The following AHI1 variants were observed in gnomAD, a reference collection of about 807,000 sequenced individuals.
AHI1 encodes jouberin.
Under a neutral mutation model 149.3 loss-of-function variants are expected in AHI1, and 123 were observed. The ratio of observed to expected loss-of-function variants is 0.82; its 90% CI spans 0.71 to 0.96. The LOEUF (loss-of-function observed/expected upper bound fraction) is 0.96, where lower values mean the gene tolerates loss of function less well. AHI1 is among the 40% of genes least tolerant of loss of function. AHI1 has a pLI of 0.00. For synonymous variants in AHI1, 475 were observed against 459.8 expected, an observed-to-expected ratio of 1.03 and a Z score of -0.42; for missense variants, 1,439 against 1,422.7, an observed-to-expected ratio of 1.01 and a Z score of -0.18.
At chr6:135,397,569 C>T (rs1779397037) in intron 22 of AHI1, among the ~76,000 whole-genome samples, 1 of 152,066 alleles carries the variant, frequency 6.6e-6, no homozygotes, top group South Asian at 2.1e-4. Context: ...AACTGTTTTG[C>T]CTACTCTTTT....
intron 23 of AHI1, among the ~76,000 whole-genome samples, chr6:135,365,726 G>A (rs899252714): frequency 1.8e-4 from 28 of 152,096 alleles, no homozygotes; most frequent in Non-Finnish European, 3.8e-4. Flanking sequence ...AGTCTTTAGC[G>A]TTTTCTAGGT....
intron 22 of AHI1, among the ~76,000 whole-genome samples, chr6:135,402,900 TG>T (rs765515390): frequency 6.6e-5 from 10 of 152,146 alleles, no homozygotes; most frequent in Non-Finnish European, 1.2e-4. Flanking sequence ...CTTATTTTTT[TG>T]GGGAGTCAAA....
At chr6:135,464,085 G>A (rs1016922432) in intron 7 of AHI1, among the ~76,000 whole-genome samples, 1 of 151,678 alleles carries the variant, frequency 6.6e-6, no homozygotes, top group Non-Finnish European at 1.5e-5. Context: ...AGCATACTGA[G>A]TTTAAAGAAA....
At chr6:135,495,587 A>T (rs1419566085) in intron 3 of AHI1, 1 of 152,226 alleles carries the variant, frequency 6.6e-6, no homozygotes, top group African/African-American at 2.4e-5. Flanking sequence ...GGGTGCCTTA[A>T]TCTTTGTAGC....
rs185380921 is a variant in AHI1, at chr6:135,446,497, T to C, written c.1779+511A>G. On this transcript the variant is annotated intron_variant, in intron 13 of 28. Coordinates refer to ENST00000265602, the MANE Select transcript of AHI1 (RefSeq NM_001134831.2). ...CTGTAATCCCCTATGTGATAGTATT[T>C]AGATGTGGGGGTCTTTGGGAGGTAA... Among the ~76,000 whole-genome samples, 4 of 152,272 alleles carry C rather than the reference T, an allele frequency of 2.6e-5. No individual in the cohort carries two copies. In the East Asian group the frequency reaches 7.7e-4, roughly 29 times the overall value.
intron 15 of AHI1, among the ~76,000 whole-genome samples, chr6:135,436,561 A>T (rs1226463539): frequency 6.6e-6 from 1 of 152,114 alleles, no homozygotes; most frequent in Non-Finnish European, 1.5e-5. Flanking sequence ...AGAAGGCAGG[A>T]AGAACTGAAA....
At chr6:135,392,777 A>G (rs1030304185) in intron 23 of AHI1, among the ~76,000 whole-genome samples, 1 of 152,174 alleles carries the variant, frequency 6.6e-6, no homozygotes, top group African/African-American at 2.4e-5. Flanking sequence ...ATTTATTTGG[A>G]GGGATGAGAA....
At chr6:135,325,020 A>T (rs2128387333) in intron 24 of AHI1, among the ~76,000 whole-genome samples, 1 of 134,268 alleles carries the variant, frequency 7.4e-6, no homozygotes, top group South Asian at 2.3e-4. Context: ...AAGGTTTACA[A>T]ATTACAATTT....
intron 20 of AHI1, among the ~76,000 whole-genome samples, chr6:135,423,829 G>T (rs1304336925): frequency 4.6e-5 from 7 of 152,008 alleles, no homozygotes; most frequent in Admixed American, 4.6e-4. Context: ...ATTAACTCTG[G>T]TTCAGAGGAG....
At chr6:135,351,135 C>CAAAA (rs1183574427) in intron 24 of AHI1, among the ~76,000 whole-genome samples, 13 of 131,438 alleles carry the variant, frequency 9.9e-5, no homozygotes, top group African/African-American at 4.0e-4. Flanking sequence ...AAACAAAAAA[C>CAAAA]AAAAAAAACA....
intron 24 of AHI1, among the ~76,000 whole-genome samples, chr6:135,343,089 T>C (rs1790629505): frequency 6.6e-6 from 1 of 151,568 alleles, no homozygotes; most frequent in Admixed American, 6.6e-5. Context: ...AATATACAGA[T>C]TCAAAAAGGT....
intron 23 of AHI1, among the ~76,000 whole-genome samples, chr6:135,362,855 C>T (rs1413528608): frequency 1.3e-5 from 2 of 151,934 alleles, no homozygotes. Flanking sequence ...GTGCAGAAGC[C>T]TTTTAGTTTA....
chr6:135,426,806 T>G (rs1171010926), intron 20 of AHI1, among the ~76,000 whole-genome samples: 1 of 151,540 alleles, frequency 6.6e-6, no homozygotes, highest in African/African-American at 2.4e-5. Flanking sequence ...GATGTGATTT[T>G]CCCCCTACTT....
chr6:135,400,899 T>C (rs549852705), intron 22 of AHI1, among the ~76,000 whole-genome samples: 29 of 152,292 alleles, frequency 1.9e-4, no homozygotes, highest in East Asian at 1.2e-3. Flanking sequence ...CCTTTAAATA[T>C]TGAAGCCCCC....
At chr6:135,315,541 T>C (rs1785816060) in intron 26 of AHI1, among the ~76,000 whole-genome samples, 1 of 152,320 alleles carries the variant, frequency 6.6e-6, no homozygotes, top group South Asian at 2.1e-4. Context: ...CTTGTGTTCC[T>C]TTCACATTCA....
intron 24 of AHI1, among the ~76,000 whole-genome samples, chr6:135,345,338 T>C (rs1350915971): frequency 6.6e-6 from 1 of 152,110 alleles, no homozygotes; most frequent in Non-Finnish European, 1.5e-5. Context: ...CCCAAGAGAA[T>C]GGAAAACTTA....
At chr6:135,324,448 T>C (rs1787334584) in intron 24 of AHI1, among the ~76,000 whole-genome samples, 2 of 151,840 alleles carry the variant, frequency 1.3e-5, no homozygotes, top group South Asian at 2.1e-4. Flanking sequence ...CTATACTAAA[T>C]AATACATTTA....
At chr6:135,478,319 T>A (rs930533507) in intron 5 of AHI1, among the ~76,000 whole-genome samples, 2 of 152,124 alleles carry the variant, frequency 1.3e-5, no homozygotes, top group Non-Finnish European at 2.9e-5. Context: ...CAGATACTGA[T>A]ATGAACAGAG....
At position 135,390,363 on chromosome 6, in the gene AHI1, A is replaced by C. The variant is rs147460441; in HGVS notation, c.3109+4413T>G. Among the ~76,000 whole-genome samples the C allele has an allele frequency of 5.0e-3, 756 of 152,344 alleles. 6 individuals carry two copies. Among genetic ancestry groups the C allele is most frequent in the Non-Finnish European group, 8.4e-3 (571 of 68,020 alleles). ...CTCAGGAAATAGGATGTCCTCCTTG[A>C]CACCTCAGTCTCAAAAACCACACCT... On this transcript the variant is annotated intron_variant, in intron 23 of 28. Transcript: ENST00000265602.
Sources: gnomAD v4.1 joint callset for allele counts (sites outside exome capture counted in the v4.1 genomes callset) on GRCh38, gnomAD v4.1.1 for gene constraint, MANE v1.5 for transcripts, NCBI Gene and HGNC (gene_info 2026-07-23, HGNC 2026-07-21) for gene names.